DIP2C: variants seen among roughly 807,000 people sequenced by gnomAD.
DIP2C encodes the protein DIP2 acetate--CoA ligase C (putative).
DIP2C carries 33 observed loss-of-function variants against 192.4 expected under a neutral mutation model. The observed-to-expected ratio is 0.17, with a 90% CI of 0.13 to 0.23. The LOEUF (loss-of-function observed/expected upper bound fraction) is 0.23. DIP2C is among the 10% of genes least tolerant of loss of function. The pLI, the probability that DIP2C is intolerant of heterozygous loss-of-function variation, is 1.00. For missense variants in DIP2C, 1,537 were observed against 2,110.1 expected (o/e 0.73, Z 5.32); for synonymous variants, 979 against 864.1 (o/e 1.13, Z -2.33).
At chr10:626,412 C>T (rs1441254974) in intron 1 of DIP2C, among the ~76,000 whole-genome samples, 18 of 148,172 alleles carry the variant, frequency 1.2e-4, no homozygotes, top group Non-Finnish European at 4.4e-5. Context: ...TGGTGTTACC[C>T]TCCATCCCCC....
chr10:636,466 C>A lies in DIP2C; in HGVS notation c.85+53028G>T, dbSNP rs1309872182. 6.6e-6 allele frequency among the ~76,000 whole-genome samples: 1 copy of A among 152,144 alleles called. No individual in the cohort carries two copies. Among genetic ancestry groups the A allele is most frequent in the Non-Finnish European group, 1.5e-5 (1 of 68,026 alleles). On this transcript the variant is annotated intron_variant, in intron 1 of 36. Coordinates refer to ENST00000280886, the MANE Select transcript of DIP2C (RefSeq NM_014974.3). The surrounding 1 kb of genome is among the most constrained non-coding windows in gnomAD (Gnocchi z 4.6). ...AGACAGATTCGTTTCTCCTCTGGAG[C>A]CAGTTGAAGGTGACAGGCTCCTGCC... is the stretch of plus-strand genomic sequence containing the variant.
intron 1 of DIP2C, among the ~76,000 whole-genome samples, chr10:513,181 C>CTGTAGA (rs1846134087): frequency 6.6e-6 from 1 of 151,974 alleles, no homozygotes; most frequent in Non-Finnish European, 1.5e-5. Flanking sequence ...CCTTCAGGTG[C>CTGTAGA]TGTATGCCTA....
intron 3 of DIP2C, among the ~76,000 whole-genome samples, chr10:460,576 G>A (rs1200169281): frequency 6.6e-6 from 1 of 152,052 alleles, no homozygotes; most frequent in Non-Finnish European, 1.5e-5. Context: ...AATTATTTCT[G>A]GGCTGCTAAA....
At chr10:416,757 A>G (rs549904244) in intron 6 of DIP2C, among the ~76,000 whole-genome samples, 11 of 152,316 alleles carry the variant, frequency 7.2e-5, no homozygotes, top group Admixed American at 2.0e-4. Context: ...TGCCACAACT[A>G]GATCAAAAGC....
At chr10:571,471 C>CCCT (rs1849808920) in intron 1 of DIP2C, among the ~76,000 whole-genome samples, 1 of 151,578 alleles carries the variant, frequency 6.6e-6, no homozygotes, top group Non-Finnish European at 1.5e-5. Context: ...CCTGCATCCC[C>CCCT]CCTCCTTCAC....
At chr10:357,766 A>G in intron 23 of DIP2C, 62 bp downstream of exon 23, 4 of 1,306,196 alleles carry the variant, frequency 3.1e-6, no homozygotes, top group Non-Finnish European at 4.4e-6. Context: ...ATGGTCGCAG[A>G]TGGTCGGGGA....
At chr10:373,947 C>A (rs1016007700) in intron 17 of DIP2C, among the ~76,000 whole-genome samples, 1 of 152,172 alleles carries the variant, frequency 6.6e-6, no homozygotes, top group South Asian at 2.1e-4. Flanking sequence ...CTCGCAATAG[C>A]CCCCCGGATC....
chr10:415,997 C>CAT, intron 6 of DIP2C, 109 bp from the exon 7 acceptor site: 1 of 1,528,114 alleles, frequency 6.5e-7, no homozygotes, highest in Admixed American at 1.8e-5. Context: ...CAACAGGCTG[C>CAT]ATCCTAGATG....
chr10:483,433 C>T (rs568330312), intron 2 of DIP2C, among the ~76,000 whole-genome samples: 31 of 152,354 alleles, frequency 2.0e-4, no homozygotes, highest in South Asian at 4.1e-4. Context: ...TGCACACTTG[C>T]GTGTCACAAG....
At chr10:465,516 T>C (rs1365777345) in intron 3 of DIP2C, among the ~76,000 whole-genome samples, 2 of 151,990 alleles carry the variant, frequency 1.3e-5, no homozygotes, top group Non-Finnish European at 2.9e-5. Context: ...CTATTCAACA[T>C]AGTGTTGGAA....
At chr10:610,814 C>A (rs554976481) in intron 1 of DIP2C, among the ~76,000 whole-genome samples, 1 of 144,992 alleles carries the variant, frequency 6.9e-6, no homozygotes, top group Non-Finnish European at 1.5e-5. Context: ...TGGTTTCTAA[C>A]GCCCCAGTGT....
In DIP2C at chr10:577,617, C is replaced by T. The variant is rs1212335050; in HGVS notation, c.86-91087G>A. On this transcript the variant is annotated intron_variant, in intron 1 of 36. Transcript: ENST00000280886. Reference sequence around the variant, plus strand: ...TGAAGGGCCCCAGCCCTGCCATCAGCCTGCTGCTTATTTAAAGTATAAAAC... The same window carrying T: ...TGAAGGGCCCCAGCCCTGCCATCAGTCTGCTGCTTATTTAAAGTATAAAAC... 2.0e-5 allele frequency among the ~76,000 whole-genome samples: 3 copies of T among 152,158 alleles called. No individual in the cohort carries two copies. In the East Asian group the frequency reaches 5.8e-4, roughly 29 times the overall value.
At chr10:296,602 G>A (rs775692572) in intron 32 of DIP2C, among the ~76,000 whole-genome samples, 16 of 152,094 alleles carry the variant, frequency 1.1e-4, no homozygotes, top group South Asian at 4.2e-4. Context: ...TGTTCATTGC[G>A]GCACTATTCA....
chr10:318,358 G>A (rs536140886), intron 31 of DIP2C, among the ~76,000 whole-genome samples: 7 of 152,350 alleles, frequency 4.6e-5, no homozygotes, highest in African/African-American at 7.2e-5. Context: ...TCCATTTACA[G>A]CACAAACCAA....
At chr10:507,671 G>A (rs189872833) in intron 1 of DIP2C, among the ~76,000 whole-genome samples, 51 of 152,278 alleles carry the variant, frequency 3.3e-4, no homozygotes, top group Non-Finnish European at 6.5e-4. Flanking sequence ...AAGCTCGTCC[G>A]TCTTTGAAAA....
intron 1 of DIP2C, among the ~76,000 whole-genome samples, chr10:564,264 G>A (rs1849353646): frequency 6.6e-6 from 1 of 151,622 alleles, no homozygotes; most frequent in Non-Finnish European, 1.5e-5. Context: ...GAACGTCACT[G>A]GCTCTCTTGG....
intron 29 of DIP2C, among the ~76,000 whole-genome samples, chr10:339,606 C>G (rs920687969): frequency 1.3e-5 from 2 of 152,128 alleles, no homozygotes; most frequent in African/African-American, 2.4e-5. Flanking sequence ...TACGGTCACC[C>G]TACAAGGGCC....
intron 6 of DIP2C, among the ~76,000 whole-genome samples, chr10:417,437 CTCA>C (rs59304968): frequency 0.55 from 84,049 of 151,832 alleles, 23,247 homozygotes; most frequent in South Asian, 0.67. Context: ...TAAAGACGAA[CTCA>C]TCAGAGAACT....
chr10:311,567 C>A, intron 31 of DIP2C: 1 of 1,232,414 alleles, frequency 8.1e-7, no homozygotes, highest in Non-Finnish European at 1.0e-6. Context: ...GCCTGTGAGG[C>A]TACAGCAGCA....
Sources: allele counts gnomAD v4.1 joint callset (sites outside exome capture counted in the v4.1 genomes callset), GRCh38; gene constraint gnomAD v4.1.1; non-coding constraint Gnocchi (gnomAD v3.1); transcripts MANE v1.5; gene names NCBI Gene and HGNC (gene_info 2026-07-23, HGNC 2026-07-21).